Variants in HCRTR2 observed in about 807,000 individuals in gnomAD.
The protein encoded by HCRTR2 is hypocretin receptor 2.
Under a neutral mutation model 49.0 loss-of-function variants are expected in HCRTR2, and 22 were observed. That is an observed-to-expected ratio of 0.45 (90% CI 0.32 to 0.64). The LOEUF (loss-of-function observed/expected upper bound fraction) is 0.64, where lower values mean the gene tolerates loss of function less well. Ranked by LOEUF, HCRTR2 falls within the 30% of genes least tolerant of loss-of-function variation. The pLI is 0.04. For synonymous variants in HCRTR2, 236 were observed against 205.3 expected (o/e 1.15, Z -1.28); for missense variants, 491 against 559.4 (o/e 0.88, Z 1.23).
intron 1 of HCRTR2, among the ~76,000 whole-genome samples, chr6:55,115,563 C>T (rs78906864): frequency 0.016 from 2,407 of 151,104 alleles, 71 homozygotes; most frequent in African/African-American, 0.054. Flanking sequence ...AAGTGCTTAG[C>T]GTAGTGCCAG....
intron 1 of HCRTR2, among the ~76,000 whole-genome samples, chr6:55,141,334 A>C (rs1764504883): frequency 6.6e-6 from 1 of 152,074 alleles, no homozygotes; most frequent in Non-Finnish European, 1.5e-5. Flanking sequence ...ACAGAGCAAG[A>C]CTCTATCTCA....
intron 1 of HCRTR2, among the ~76,000 whole-genome samples, chr6:55,112,256 C>CCACTTCTAT (rs1764059130): frequency 6.6e-6 from 1 of 151,866 alleles, no homozygotes. Flanking sequence ...CCAACTTTCA[C>CCACTTCTAT]CACTTCTATT....
chr6:55,121,603 T>C (rs1764200389), intron 1 of HCRTR2, among the ~76,000 whole-genome samples: 1 of 152,214 alleles, frequency 6.6e-6, no homozygotes, highest in Admixed American at 6.5e-5. Flanking sequence ...GGGTTTGGCA[T>C]AAATAGCTCT....
intron 1 of HCRTR2, among the ~76,000 whole-genome samples, chr6:55,217,393 A>G (rs369634923): frequency 1.3e-5 from 2 of 152,146 alleles, no homozygotes; most frequent in East Asian, 3.9e-4. Flanking sequence ...TCTGTCTTTA[A>G]GTCATGTTTT....
intron 3 of HCRTR2, among the ~76,000 whole-genome samples, chr6:55,263,184 T>G (rs1766800646): frequency 6.6e-6 from 1 of 152,046 alleles, no homozygotes; most frequent in African/African-American, 2.4e-5. Context: ...TTTCAAAATT[T>G]TTTTCACATT....
Position 55,229,006 on chromosome 6 carries a change from G to T in HCRTR2, c.224-19633G>T, listed in dbSNP as rs137914551. Among the ~76,000 whole-genome samples, 1,004 of 152,120 alleles carry T rather than the reference G, an allele frequency of 6.6e-3. 12 individuals are homozygous for T. The highest frequency in any genetic ancestry group is 0.022 in the African/African-American group (904 of 41,468). The stretch of plus-strand genomic sequence containing the variant: ...CACTTCCTTGGTTACTGTGCATGTG[G>T]ACGAGGCTGATTTTCATGGTGGGAT... On this transcript the variant is annotated intron_variant, in intron 1 of 6. Coordinates refer to ENST00000370862, the MANE Select transcript of HCRTR2 (RefSeq NM_001384272.1).
chr6:55,242,072 G>A (rs1327753035), intron 1 of HCRTR2, among the ~76,000 whole-genome samples: 1 of 151,604 alleles, frequency 6.6e-6, no homozygotes, highest in East Asian at 1.9e-4. Flanking sequence ...ATTTCACTAT[G>A]TTGGCCAGTC....
intron 1 of HCRTR2, among the ~76,000 whole-genome samples, chr6:55,107,539 T>C (rs1023231187): frequency 1.3e-5 from 2 of 149,630 alleles, no homozygotes; most frequent in Admixed American, 1.3e-4. Flanking sequence ...ATAGGTTCTG[T>C]AACATATACA....
intron 1 of HCRTR2, among the ~76,000 whole-genome samples, chr6:55,140,253 A>T (rs1764489415): frequency 6.6e-6 from 1 of 151,990 alleles, no homozygotes; most frequent in Non-Finnish European, 1.5e-5. Flanking sequence ...TTTCCATTAT[A>T]TTGAAAATAT....
chr6:55,244,004 A>T, intron 1 of HCRTR2, among the ~76,000 whole-genome samples: 1 of 152,114 alleles, frequency 6.6e-6, no homozygotes, highest in East Asian at 1.9e-4. Flanking sequence ...AGCTATTGAA[A>T]TGGAGTATCA....
At chr6:55,141,335 C>T (rs1187742065) in intron 1 of HCRTR2, among the ~76,000 whole-genome samples, 1 of 151,894 alleles carries the variant, frequency 6.6e-6, no homozygotes, top group Non-Finnish European at 1.5e-5. Context: ...CAGAGCAAGA[C>T]TCTATCTCAA....
At chr6:55,246,815 A>T (rs942016454) in intron 1 of HCRTR2, among the ~76,000 whole-genome samples, 1 of 152,050 alleles carries the variant, frequency 6.6e-6, no homozygotes, top group South Asian at 2.1e-4. Flanking sequence ...TTAATAATTT[A>T]AAAAATGCTT....
intron 1 of HCRTR2, among the ~76,000 whole-genome samples, chr6:55,165,276 A>G (rs1332116924): frequency 6.6e-6 from 1 of 152,140 alleles, no homozygotes; most frequent in Non-Finnish European, 1.5e-5. Flanking sequence ...AAGGGATAAC[A>G]ATAGAGTATC....
At chr6:55,206,360 C>T (rs893144941) in intron 1 of HCRTR2, among the ~76,000 whole-genome samples, 1 of 152,012 alleles carries the variant, frequency 6.6e-6, no homozygotes, top group African/African-American at 2.4e-5. Flanking sequence ...AATATGATTT[C>T]ACGACTGTGA....
At chr6:55,120,534 C>T (rs1041996449) in intron 1 of HCRTR2, among the ~76,000 whole-genome samples, 2 of 151,136 alleles carry the variant, frequency 1.3e-5, no homozygotes, top group Admixed American at 6.6e-5. Context: ...AATGGGAGTT[C>T]ACTCATGATT....
chr6:55,261,154 G>A (rs1444789294), intron 3 of HCRTR2, among the ~76,000 whole-genome samples: 2 of 152,254 alleles, frequency 1.3e-5, no homozygotes, highest in Non-Finnish European at 2.9e-5. Flanking sequence ...TTACATTGCA[G>A]TAAAAGTAGG....
rs1764101672 is a variant in HCRTR2, at chr6:55,115,390, A to G, written c.-378+8845A>G. Among the ~76,000 whole-genome samples, 5 of 151,634 alleles carry G rather than the reference A, an allele frequency of 3.3e-5. No homozygotes were observed. The South Asian group carries it at 1.0e-3, about 31-fold the overall frequency. ...CTTCAACTGCTAAAGTAGTTGTATT[A>G]AATTGGGCTATTTAATCAATTTTCT... is the stretch of plus-strand genomic sequence containing the variant. On this transcript the variant is annotated intron_variant, in intron 1 of 7. Transcript: ENST00000615358.
chr6:55,107,531 A>T (rs1462773791), intron 1 of HCRTR2, among the ~76,000 whole-genome samples: 1 of 150,606 alleles, frequency 6.6e-6, no homozygotes, highest in Admixed American at 6.6e-5. Context: ...TTCTCCCCAT[A>T]GGTTCTGTAA....
At chr6:55,277,281 C>T in intron 4 of HCRTR2, 99 bp from the exon 5 acceptor site, 1 of 942,690 alleles carries the variant, frequency 1.1e-6, no homozygotes, top group Non-Finnish European at 1.7e-6. Context: ...ACACCTCAGG[C>T]GTCTGGAAGC....
Sources: gnomAD v4.1 joint callset for allele counts (sites outside exome capture counted in the v4.1 genomes callset) on GRCh38, gnomAD v4.1.1 for gene constraint, MANE v1.5 for transcripts, NCBI Gene and HGNC (gene_info 2026-07-23, HGNC 2026-07-21) for gene names.